Variants in PRX observed in about 807,000 individuals in gnomAD.
PRX encodes the protein periaxin.
Under a neutral mutation model 29.6 loss-of-function variants are expected in PRX, and 24 were observed. That is an observed-to-expected ratio of 0.81 (90% CI 0.59 to 1.14). The LOEUF (loss-of-function observed/expected upper bound fraction) is 1.14. Among genes scored for constraint, PRX ranks in the 50% most tolerant of loss-of-function variants. The pLI is 0.00. For missense variants in PRX, 1,838 were observed against 1,926.4 expected, an observed-to-expected ratio of 0.95 and a Z score of 0.86; for synonymous variants, 772 against 831.7, an observed-to-expected ratio of 0.93 and a Z score of 1.24.
chr19:40,398,794 T>G lies in PRX; in HGVS notation c.207A>C (p.Arg69=). Reference sequence around the variant, plus strand: ...CGTACTTGAAGTTCTCGAAGAACACTCGGGCACTCAGCAGCTGGTCCCCTG... The same window carrying G: ...CGTACTTGAAGTTCTCGAAGAACACGCGGGCACTCAGCAGCTGGTCCCCTG... The part of the protein sequence containing the change: ...LQEGDQLLSA[R]VFFENFKYED... The change falls in exon 6 of 7, where the codon CGA becomes CGC. Residue 69 remains arginine (R), a synonymous_variant. Coordinates refer to ENST00000324001, the MANE Select transcript of PRX (RefSeq NM_181882.3). This position sits in a 1 kb window ranked among gnomAD's most constrained non-coding sequence, Gnocchi z 6.3. The G allele has an allele frequency of 1.9e-6, 3 of 1,613,976 alleles. No individual in the cohort carries two copies. The highest frequency in any genetic ancestry group is 2.5e-6 in the Non-Finnish European group (3 of 1,179,938).
In PRX at chr19:40,397,814, G is replaced by C; in HGVS notation, c.538C>G (p.Pro180Ala). ...LKAEAVKGPV[P>A]AAPARRRLQL... ...AGGCGCCGGCGGGCAGGGGCAGCCG[G>C]GACAGGACCCTTGACAGCCTCGGCT... The change falls in exon 7 of 7, where the codon CCG becomes GCG. Residue 180 changes from proline (P) to alanine (A), a missense_variant. By Grantham distance (27) the Pro-to-Ala change is conservative. Transcript: ENST00000324001. 6.3e-7 allele frequency: 1 copy of C among 1,587,696 alleles called. No individual in the cohort carries two copies. Among genetic ancestry groups the C allele is most frequent in the Non-Finnish European group, 8.6e-7 (1 of 1,168,142 alleles).
In PRX at chr19:40,398,882, C is replaced by T; in HGVS notation, c.185-66G>A. On this transcript the variant is annotated intron_variant, in intron 5 of 6. Coordinates refer to ENST00000324001, the MANE Select transcript of PRX (RefSeq NM_181882.3). The surrounding 1 kb of genome is among the most constrained non-coding windows in gnomAD (Gnocchi z 6.3). ...CGGCTCCGCCCGGGCCTAGTTCTGC[C>T]CACTTGCACGGAGCCCTCGCGGTGA... The T allele has an allele frequency of 3.1e-6, 5 of 1,608,390 alleles. No homozygotes were observed. The highest frequency in any genetic ancestry group is 2.2e-5 in the East Asian group (1 of 44,666).
In PRX at chr19:40,395,064, G is replaced by T. The variant is rs375122789; in HGVS notation, c.3288C>A (p.Ile1096=). 10 of 1,612,826 alleles carry T rather than the reference G, an allele frequency of 6.2e-6. No individual in the cohort carries two copies. In the African/African-American group the frequency reaches 1.1e-4, roughly 17 times the overall value. The change falls in exon 7 of 7, where the codon ATC becomes ATA. Residue 1096 remains isoleucine (I), a synonymous_variant. Transcript: ENST00000324001. ...KAESTAVQLK[I]PEVELVTLGA... ...CCAGCGTGACCAGCTCCACCTCGGGGATCTTAAGCTGCACAGCGGTGGACT... is the reference window on the plus strand; with the variant it reads ...CCAGCGTGACCAGCTCCACCTCGGGTATCTTAAGCTGCACAGCGGTGGACT...
At chr19:40,401,769 C>CT (rs371966168) in intron 5 of PRX, among the ~76,000 whole-genome samples, 17,280 of 138,412 alleles carry the variant, frequency 0.12, 1,381 homozygotes, top group Non-Finnish European at 0.18. Flanking sequence ...CAGCCCACCC[C>CT]TTTTTTTTTT....
Position 40,408,109 on chromosome 19 carries a change from G to A in PRX, c.-100+49C>T. 1.1e-5 allele frequency: 9 copies of A among 821,972 alleles called. No individual in the cohort carries two copies. The Middle Eastern group carries it at 1.4e-3, about 126-fold the overall frequency. The allele number at this position is 821,972 out of a possible 1,614,324, so 50.9% of individuals were successfully genotyped here. Reference sequence around the variant, plus strand: ...GGCCATGCTTACAGGGAGAAAGCAGGGTGGGTATTAGAAGGGGAGAAGGGC... The same window carrying A: ...GGCCATGCTTACAGGGAGAAAGCAGAGTGGGTATTAGAAGGGGAGAAGGGC... On this transcript the variant is annotated intron_variant, in intron 3 of 6. Transcript: ENST00000324001.
rs1555802625 is a variant in PRX, at chr19:40,408,811, T to TGG, written c.-242-429_-242-428insCC. Among the ~76,000 whole-genome samples the TGG allele has an allele frequency of 3.9e-3, 571 of 144,620 alleles. 8 individuals are homozygous for TGG. Among genetic ancestry groups the TGG allele is most frequent in the African/African-American group, 0.014 (517 of 36,952 alleles). The allele number at this position is 144,620 out of a possible 152,430, so 94.9% of individuals were successfully genotyped here. ...ACACCCGGCTACGTTTTTGTTGTTG[T>TGG]TGGTGGTGTGTGTGTGTGTGTGTGT... On this transcript the variant is annotated intron_variant, in intron 1 of 6. Coordinates refer to ENST00000324001, the MANE Select transcript of PRX (RefSeq NM_181882.3).
Position 40,396,293 on chromosome 19 carries a change from T to C in PRX, c.2059A>G (p.Lys687Glu). 6.2e-7 allele frequency: 1 copy of C among 1,613,020 alleles called. No individual in the cohort carries two copies. The highest frequency in any genetic ancestry group is 8.5e-7 in the Non-Finnish European group (1 of 1,179,810). The change falls in exon 7 of 7, where the codon AAA becomes GAA. Residue 687 changes from lysine (K) to glutamate (E), a missense_variant. This residue lies in a region of PRX where 1,143 missense variants were observed against 1,193.0 expected (regional missense o/e 0.96). Transcript: ENST00000324001. The stretch of plus-strand genomic sequence containing the variant: ...TTGGGGAGTTTCATCTCTGAGACTT[T>C]TGGCAGCTGCACCTCGGGGAGTCGA... ...EVRLPEVQLP[K>E]VSEMKLPKVP...
rs1175048493 is a variant in PRX at position 40,393,957 on chromosome 19, C to G, written c.*9G>C. 6.2e-7 allele frequency: 1 copy of G among 1,610,814 alleles called. No individual in the cohort carries two copies. Among genetic ancestry groups the G allele is most frequent in the Non-Finnish European group, 8.5e-7 (1 of 1,179,752 alleles). On this transcript the variant is annotated 3_prime_UTR_variant, in exon 7 of 7. Transcript: ENST00000324001. ...AAGGCAAGAAGGGATCCCCATCTGA[C>G]TAGGGGCTTCAGACAGCCGCAGCCT...
chr19:40,402,467 A>C (rs575366510), intron 5 of PRX, among the ~76,000 whole-genome samples: 3 of 151,806 alleles, frequency 2.0e-5, no homozygotes, highest in Non-Finnish European at 2.9e-5. Flanking sequence ...ATTTTACTTA[A>C]TTTGCTTAAA....
At chr19:40,409,176 A>G (rs1411497804) in intron 1 of PRX, among the ~76,000 whole-genome samples, 1 of 151,724 alleles carries the variant, frequency 6.6e-6, no homozygotes, top group East Asian at 1.9e-4. Flanking sequence ...TTTTAAATTA[A>G]TTTGTAGAGA....
chr19:40,411,099 A>C (rs2079556502), intron 1 of PRX, among the ~76,000 whole-genome samples: 1 of 152,134 alleles, frequency 6.6e-6, no homozygotes. Flanking sequence ...TGAGGCTCAC[A>C]GAGGGGTCAC....
In PRX at chr19:40,396,948, C is replaced by CACCTCTGGGAGTCGA; in HGVS notation, c.1389_1403dup (p.Arg464_Val468dup). ...TCATCTCTGACACCTTGGGGAGCTC[C>CACCTCTGGGAGTCGA]ACCTCTGGGAGTCGAACCTCTGGAA... On this transcript the variant is annotated inframe_insertion, in exon 7 of 7. Coordinates refer to ENST00000324001, the MANE Select transcript of PRX (RefSeq NM_181882.3). 1 of 1,614,146 alleles carries CACCTCTGGGAGTCGA rather than the reference C, an allele frequency of 6.2e-7. No homozygotes were observed. Among genetic ancestry groups the CACCTCTGGGAGTCGA allele is most frequent in the East Asian group, 2.2e-5 (1 of 44,872 alleles).
Position 40,394,453 on chromosome 19 carries a change from G to T in PRX, c.3899C>A (p.Ala1300Asp), listed in dbSNP as rs779070838. 6.2e-7 allele frequency: 1 copy of T among 1,601,736 alleles called. No individual in the cohort carries two copies. The highest frequency in any genetic ancestry group is 8.5e-7 in the Non-Finnish European group (1 of 1,174,440). The change falls in exon 7 of 7, where the codon GCC (alanine) becomes GAC (aspartate). Residue 1300 changes from alanine to aspartate, a missense_variant. By Grantham distance (126) the Ala-to-Asp change is moderately radical. Coordinates refer to ENST00000324001, the MANE Select transcript of PRX (RefSeq NM_181882.3). The surrounding 1 kb of genome is among the most constrained non-coding windows in gnomAD (Gnocchi z 5.8). ...CAGCCGTACCTTGAGCTTGTGTCCG[G>T]CCTCTCCCTCCCCCTCTGCCACCTG... ...EYQVAEGEGE[A>D]GHKLKVRLPR...
chr19:40,396,017 C>T lies in PRX; in HGVS notation c.2335G>A (p.Ala779Thr), dbSNP rs369505684. ...PKAPEVKLPRAPEVQLKATKA... is the reference protein window; with the variant it reads ...PKAPEVKLPRTPEVQLKATKA... Reference sequence around the variant, plus strand: ...GTGGCCTTTAGCTGCACCTCCGGAGCCCTGGGCAGCTTCACCTCTGGTGCC... The same window carrying T: ...GTGGCCTTTAGCTGCACCTCCGGAGTCCTGGGCAGCTTCACCTCTGGTGCC... Residue 779 changes from alanine to threonine, a missense_variant, in exon 7 of 7, where the codon GCT becomes ACT. Transcript: ENST00000324001. 2.5e-6 allele frequency: 4 copies of T among 1,614,024 alleles called. No individual in the cohort carries two copies. Among genetic ancestry groups the T allele is most frequent in the Non-Finnish European group, 3.4e-6 (4 of 1,180,032 alleles).
intron 4 of PRX, 70 bp downstream of exon 4, chr19:40,407,836 C>T: frequency 6.3e-7 from 1 of 1,599,724 alleles, no homozygotes; most frequent in Middle Eastern, 1.7e-4. Flanking sequence ...CAGAAAGTGT[C>T]TCCTTGCTGC....
In PRX at chr19:40,396,038, G is replaced by A. The variant is rs1375837271; in HGVS notation, c.2314C>T (p.Pro772Ser). Reference protein sequence around the residue: ...KVPDVHLPKAPEVKLPRAPEV... With the variant: ...KVPDVHLPKASEVKLPRAPEV... ...GGAGCCCTGGGCAGCTTCACCTCTG[G>A]TGCCTTCGGAAGATGCACGTCGGGA... The change falls in exon 7 of 7, where the codon CCA (proline) becomes TCA (serine). Residue 772 changes from proline (P) to serine (S), a missense_variant. Physicochemically the swap from Pro to Ser is moderately conservative, Grantham distance 74. Around this residue, in one of 3 missense-constraint regions of PRX, gnomAD observed 1,143 missense variants for 1,193.0 expected, o/e 0.96. Coordinates refer to ENST00000324001, the MANE Select transcript of PRX (RefSeq NM_181882.3). 3 of 1,614,074 alleles carry A rather than the reference G, an allele frequency of 1.9e-6. No homozygotes were observed. The highest frequency in any genetic ancestry group is 2.2e-5 in the East Asian group (1 of 44,882).
intron 5 of PRX, 114 bp downstream of exon 5, chr19:40,403,592 G>A: frequency 7.5e-7 from 1 of 1,330,534 alleles, no homozygotes; most frequent in Non-Finnish European, 1.0e-6. Context: ...ACCCCTCCTG[G>A]TCGCCGGTCA....
chr19:40,395,067 CT>C lies in PRX; in HGVS notation c.3284del (p.Lys1095ArgfsTer32). 6.2e-7 allele frequency: 1 copy of C among 1,613,140 alleles called. No homozygotes were observed. The highest frequency in any genetic ancestry group is 8.5e-7 in the Non-Finnish European group (1 of 1,180,006). ...GCGTGACCAGCTCCACCTCGGGGATCTTAAGCTGCACAGCGGTGGACTCAGC... is the reference window on the plus strand; with the variant it reads ...GCGTGACCAGCTCCACCTCGGGGATCTAAGCTGCACAGCGGTGGACTCAGC... ...EKAESTAVQL[K>X]IPEVELVTLG... On this transcript the variant is annotated frameshift_variant, in exon 7 of 7. Coordinates refer to ENST00000324001, the MANE Select transcript of PRX (RefSeq NM_181882.3). LOFTEE classifies it low-confidence loss of function (END_TRUNC).
rs1447641698 is a variant in PRX at position 40,397,330 on chromosome 19, C to A, written c.1022G>T (p.Gly341Val). 1 of 1,613,112 alleles carries A rather than the reference C, an allele frequency of 6.2e-7. No homozygotes were observed. The highest frequency in any genetic ancestry group is 1.1e-5 in the South Asian group (1 of 91,084). Residue 341 changes from glycine to valine, a missense_variant, in exon 7 of 7, where the codon GGT (glycine) becomes GTT (valine). Transcript: ENST00000324001. ...CTCTCCCCGGGCCTCCACCTCTGCA[C>A]CCGGCAAGGCCAGGTCCACCCCCAC... The part of the protein sequence containing the change: ...PTVGVDLALP[G>V]AEVEARGEAP...
Sources: allele counts gnomAD v4.1 joint callset (sites outside exome capture counted in the v4.1 genomes callset), GRCh38; gene constraint gnomAD v4.1.1; regional missense constraint gnomAD v4.1.1; non-coding constraint Gnocchi (gnomAD v3.1); transcripts MANE v1.5; gene names NCBI Gene and HGNC (gene_info 2026-07-23, HGNC 2026-07-21).